The following TBX5 variants were observed in gnomAD, a reference collection of about 807,000 sequenced individuals.
TBX5 encodes the protein T-box transcription factor 5.
TBX5 carries 8 observed loss-of-function variants against 51.1 expected under a neutral mutation model. That is an observed-to-expected ratio of 0.16 (90% CI 0.09 to 0.28). The LOEUF (loss-of-function observed/expected upper bound fraction) is 0.28, where lower values mean the gene tolerates loss of function less well. Among genes scored for constraint, TBX5 ranks in the 10% least tolerant of loss-of-function variants. The probability of loss-of-function intolerance (pLI) is 1.00; values close to 1 mark genes in which losing one functional copy is unlikely to be tolerated. For synonymous variants in TBX5, 302 were observed against 266.4 expected (o/e 1.13, Z -1.30); for missense variants, 589 against 671.7 (o/e 0.88, Z 1.36).
intron 8 of TBX5, among the ~76,000 whole-genome samples, chr12:114,357,700 CT>C (rs1869001103): frequency 6.6e-6 from 1 of 152,246 alleles, no homozygotes. Flanking sequence ...GGAAGCAATA[CT>C]TGGGGATATC....
At chr12:114,407,159 C>T, upstream of TBX5, 1 of 963,018 alleles carries the variant, frequency 1.0e-6, no homozygotes, top group Non-Finnish European at 1.2e-6. Context: ...CAGGCCATTG[C>T]TGCAAAATGC....
chr12:114,356,025 C>T lies in TBX5; in HGVS notation c.1064G>A (p.Arg355His), dbSNP rs145784562. The T allele has an allele frequency of 1.6e-5, 26 of 1,613,944 alleles. No homozygotes were observed. Among genetic ancestry groups the T allele is most frequent in the Middle Eastern group, 1.6e-4 (1 of 6,084 alleles). The change falls in exon 9 of 9, where the codon CGC becomes CAC. Residue 355 changes from arginine to histidine, a missense_variant. This residue lies in a region of TBX5 where 348 missense variants were observed against 360.4 expected (regional missense o/e 0.97). Transcript: ENST00000405440. ...TSPSEEDSFYRSSYPQQQGLG... is the reference protein window; with the variant it reads ...TSPSEEDSFYHSSYPQQQGLG... ...GCCCTGCTGCTGTGGATAGCTAGAG[C>T]GGTAGAAGGAATCTTCTTCACTGGG...
intron 6 of TBX5, among the ~76,000 whole-genome samples, chr12:114,387,343 A>G (rs1489188012): frequency 6.6e-6 from 1 of 152,220 alleles, no homozygotes; most frequent in East Asian, 1.9e-4. Flanking sequence ...TAACCCCAAA[A>G]TTATTGAAAA....
chr12:114,381,465 C>A (rs1304704891), intron 7 of TBX5, among the ~76,000 whole-genome samples: 1 of 152,058 alleles, frequency 6.6e-6, no homozygotes, highest in Non-Finnish European at 1.5e-5. Context: ...GGGAGAATGA[C>A]CCAAAATAAA....
Position 114,405,715 on chromosome 12 carries a change from G to T in TBX5, c.-126C>A. 1 of 985,592 alleles carries T rather than the reference G, an allele frequency of 1.0e-6. No homozygotes were observed. The highest frequency in any genetic ancestry group is 1.2e-6 in the Non-Finnish European group (1 of 830,088). 61.1% of individuals were successfully genotyped at this position (985,592 alleles called of 1,614,324 possible). ...GTGAGGCGGGGGAGCAGGCATGGTG[G>T]CTCCGGGGTTTATGCGGGGTTTACT... On this transcript the variant is annotated 5_prime_UTR_variant, in exon 1 of 9. Coordinates refer to ENST00000405440, the MANE Select transcript of TBX5 (RefSeq NM_181486.4).
At chr12:114,370,795 A>AT (rs1388772006) in intron 7 of TBX5, among the ~76,000 whole-genome samples, 3 of 151,878 alleles carry the variant, frequency 2.0e-5, no homozygotes, top group Non-Finnish European at 2.9e-5. Flanking sequence ...CATTTTAAAA[A>AT]TTTTTTTGTT....
At chr12:114,394,614 A>C (rs1593875652) in intron 6 of TBX5, 127 bp downstream of exon 6, 4 of 1,277,830 alleles carry the variant, frequency 3.1e-6, no homozygotes. Context: ...CCACCCCAGC[A>C]CCCTGGGGTC....
intron 7 of TBX5, among the ~76,000 whole-genome samples, chr12:114,374,915 A>G (rs1427183723): frequency 1.3e-5 from 2 of 152,176 alleles, no homozygotes; most frequent in African/African-American, 4.8e-5. Flanking sequence ...GGCTAGATGA[A>G]TGGATGGATA....
chr12:114,368,432 A>T (rs1565928608), intron 7 of TBX5, among the ~76,000 whole-genome samples: 1 of 152,212 alleles, frequency 6.6e-6, no homozygotes, highest in Non-Finnish European at 1.5e-5. Context: ...CACGTAACGC[A>T]TTTTGAAGGA....
intron 7 of TBX5, among the ~76,000 whole-genome samples, chr12:114,379,816 G>A (rs1282049771): frequency 1.3e-5 from 2 of 152,186 alleles, no homozygotes; most frequent in African/African-American, 2.4e-5. Flanking sequence ...CTTAACAAAT[G>A]TTTTAGTTGC....
upstream of TBX5, chr12:114,406,951 G>A (rs1381916250): frequency 1.5e-6 from 1 of 653,040 alleles, no homozygotes; most frequent in African/African-American, 2.0e-5. Context: ...GAATATTGGT[G>A]CTTGGAGTAA....
At chr12:114,365,480 A>T (rs1373468873) in intron 8 of TBX5, among the ~76,000 whole-genome samples, 1 of 152,182 alleles carries the variant, frequency 6.6e-6, no homozygotes, top group Non-Finnish European at 1.5e-5. Flanking sequence ...GTTTAAAAGA[A>T]AAAAAACAGC....
intron 5 of TBX5, among the ~76,000 whole-genome samples, 197 bp downstream of exon 5, chr12:114,398,376 C>T (rs1292772584): frequency 3.3e-5 from 5 of 151,356 alleles, no homozygotes; most frequent in Admixed American, 6.6e-5. Flanking sequence ...AGAATTGAGA[C>T]GGAGGGGAGG....
intron 8 of TBX5, among the ~76,000 whole-genome samples, chr12:114,360,419 G>A (rs117707074): frequency 0.046 from 6,976 of 150,954 alleles, 222 homozygotes; most frequent in Non-Finnish European, 0.065. Context: ...TGAATGAGTG[G>A]GAGGATTGGT....
At chr12:114,384,728 CACACACACACACACACA>C (rs1164703954) in intron 7 of TBX5, among the ~76,000 whole-genome samples, 3 of 128,602 alleles carry the variant, frequency 2.3e-5, no homozygotes, top group African/African-American at 6.8e-5. Context: ...CACACACACA[CACACACACACACACACA>C]ACACACACAC....
upstream of TBX5, chr12:114,408,069 T>A (rs1872339624): frequency 5.1e-6 from 5 of 985,402 alleles, no homozygotes; most frequent in Non-Finnish European, 6.0e-6. Context: ...ATAGCGACTA[T>A]CTCACCAGCC....
At chr12:114,375,029 T>C (rs1870115218) in intron 7 of TBX5, among the ~76,000 whole-genome samples, 1 of 152,220 alleles carries the variant, frequency 6.6e-6, no homozygotes, top group Non-Finnish European at 1.5e-5. Context: ...AATTCTTCCA[T>C]GTTTCTCACA....
chr12:114,405,160 A>G (rs987288126), intron 1 of TBX5, among the ~76,000 whole-genome samples: 1 of 152,212 alleles, frequency 6.6e-6, no homozygotes, highest in Non-Finnish European at 1.5e-5. Context: ...CCAGAGATCT[A>G]GAAATGGGGC....
At chr12:114,367,946 C>T (rs1869644578) in intron 7 of TBX5, among the ~76,000 whole-genome samples, 1 of 152,172 alleles carries the variant, frequency 6.6e-6, no homozygotes, top group Admixed American at 6.5e-5. Flanking sequence ...TAGGCTTCAA[C>T]ACACTGCCAG....
Sources: gnomAD v4.1 joint callset for allele counts (sites outside exome capture counted in the v4.1 genomes callset) on GRCh38, gnomAD v4.1.1 for gene constraint, gnomAD v4.1.1 regional missense constraint, MANE v1.5 for transcripts, NCBI Gene and HGNC (gene_info 2026-07-23, HGNC 2026-07-21) for gene names.